SHANK2: variants seen among roughly 807,000 people sequenced by gnomAD.
SHANK2 encodes the protein SH3 and multiple ankyrin repeat domains 2.
In SHANK2, 43 loss-of-function variants were observed where a neutral mutation model predicts 133.7. That is an observed-to-expected ratio of 0.32 (90% CI 0.25 to 0.41). SHANK2 has a LOEUF of 0.41. SHANK2 is among the 10% of genes least tolerant of loss of function. The pLI, the probability that SHANK2 is intolerant of heterozygous loss-of-function variation, is 1.00. For synonymous variants in SHANK2, 1,017 were observed against 952.8 expected, an observed-to-expected ratio of 1.07 and a Z score of -1.24; for missense variants, 1,994 against 2,235.8, an observed-to-expected ratio of 0.89 and a Z score of 2.18.
intron 11 of SHANK2, among the ~76,000 whole-genome samples, chr11:70,838,096 G>T (rs1948850690): frequency 6.6e-6 from 1 of 150,942 alleles, no homozygotes; most frequent in Non-Finnish European, 1.5e-5. Flanking sequence ...CTTGTATGGT[G>T]TTTGCCTCAC....
intron 11 of SHANK2, among the ~76,000 whole-genome samples, chr11:70,876,375 A>G (rs1280522295): frequency 6.6e-6 from 1 of 151,206 alleles, no homozygotes; most frequent in African/African-American, 2.4e-5. Context: ...CCTGGCTAAC[A>G]CGGTGAAACC....
intron 15 of SHANK2, among the ~76,000 whole-genome samples, chr11:70,671,312 T>C (rs1213463802): frequency 6.6e-6 from 1 of 152,034 alleles, no homozygotes; most frequent in African/African-American, 2.4e-5. Context: ...ATGCCGGCCT[T>C]GGAAGCTGAG....
intron 17 of SHANK2, among the ~76,000 whole-genome samples, chr11:70,598,292 A>G (rs1407941730): frequency 6.6e-6 from 1 of 152,182 alleles, no homozygotes; most frequent in Non-Finnish European, 1.5e-5. Context: ...ATAGAGGAAG[A>G]GGCTGGAAAT....
rs1565347836 is a variant in SHANK2 at position 70,830,606 on chromosome 11, C to T, written c.1175-9924G>A. On this transcript the variant is annotated intron_variant, in intron 11 of 25. Transcript: ENST00000601538. The surrounding 1 kb of genome is among the most constrained non-coding windows in gnomAD (Gnocchi z 4.4). ...CTTCCCATCTCTAAAACAAGTATTC[C>T]GAGGATGACCGAGCGCTAGTGGTTG... Among the ~76,000 whole-genome samples the T allele has an allele frequency of 6.6e-6, 1 of 152,206 alleles. No individual in the cohort carries two copies. The highest frequency in any genetic ancestry group is 2.4e-5 in the African/African-American group (1 of 41,434).
At chr11:70,517,832 A>G (rs2059284071) in intron 17 of SHANK2, among the ~76,000 whole-genome samples, 1 of 152,202 alleles carries the variant, frequency 6.6e-6, no homozygotes, top group Non-Finnish European at 1.5e-5. Flanking sequence ...GTACACCAAG[A>G]GTGAACCCTC....
intron 17 of SHANK2, among the ~76,000 whole-genome samples, chr11:70,639,648 C>T (rs1315208246): frequency 6.6e-6 from 1 of 152,150 alleles, no homozygotes; most frequent in African/African-American, 2.4e-5. Context: ...ATCTGATTTT[C>T]CCAGCAACAC....
chr11:70,518,616 C>T (rs930379191), intron 17 of SHANK2, among the ~76,000 whole-genome samples: 4 of 152,208 alleles, frequency 2.6e-5, no homozygotes, highest in Non-Finnish European at 5.9e-5. Flanking sequence ...TTGCATCCTG[C>T]GGCATTGCTT....
chr11:70,770,051 C>T (rs950825409), intron 14 of SHANK2, among the ~76,000 whole-genome samples: 6 of 152,316 alleles, frequency 3.9e-5, no homozygotes, highest in South Asian at 4.1e-4. Flanking sequence ...CAGTGGCCCA[C>T]GGACAGTGTG....
At chr11:70,886,415 C>T (rs1949747699) in intron 11 of SHANK2, among the ~76,000 whole-genome samples, 1 of 152,176 alleles carries the variant, frequency 6.6e-6, no homozygotes, top group Admixed American at 6.5e-5. Context: ...GGGACCCCGA[C>T]CACTCTGATC....
intron 17 of SHANK2, among the ~76,000 whole-genome samples, chr11:70,632,180 G>A (rs1235324591): frequency 6.6e-6 from 1 of 152,166 alleles, no homozygotes; most frequent in Non-Finnish European, 1.5e-5. Flanking sequence ...GGAGTGCAGT[G>A]GCGCGATCTC....
chr11:70,629,834 AC>A (rs1471369822), intron 17 of SHANK2, among the ~76,000 whole-genome samples: 3 of 151,812 alleles, frequency 2.0e-5, no homozygotes, highest in Non-Finnish European at 4.4e-5. Context: ...GGCCATCCAG[AC>A]CCCCAGCAGA....
chr11:70,749,430 A>G (rs1305825616), intron 14 of SHANK2, among the ~76,000 whole-genome samples: 4 of 152,228 alleles, frequency 2.6e-5, no homozygotes, highest in Non-Finnish European at 5.9e-5. Context: ...GTCAGCTCAA[A>G]CAAATCATAA....
At chr11:70,779,508 A>T (rs1403091242) in intron 14 of SHANK2, among the ~76,000 whole-genome samples, 15 of 152,190 alleles carry the variant, frequency 9.9e-5, no homozygotes, top group African/African-American at 3.1e-4. Context: ...GAAGAACCAA[A>T]CATGGGTATG....
At chr11:71,164,784 C>T (rs34327914) in intron 2 of SHANK2, among the ~76,000 whole-genome samples, 1 of 152,156 alleles carries the variant, frequency 6.6e-6, no homozygotes, top group African/African-American at 2.4e-5. Context: ...TTCCATCAAA[C>T]GCCGGCCTCA....
At chr11:70,783,373 A>G (rs1230130523) in intron 14 of SHANK2, among the ~76,000 whole-genome samples, 2 of 152,156 alleles carry the variant, frequency 1.3e-5, no homozygotes, top group African/African-American at 4.8e-5. Flanking sequence ...GGACTCCCAC[A>G]GCAAGCGGAC....
chr11:71,149,809 T>C (rs1952731230), intron 2 of SHANK2, among the ~76,000 whole-genome samples: 1 of 110,492 alleles, frequency 9.1e-6, no homozygotes, highest in Non-Finnish European at 1.8e-5. Context: ...TAACTGTGCA[T>C]AGGTGAGAGG....
chr11:71,096,727 C>T (rs7120950), intron 6 of SHANK2, among the ~76,000 whole-genome samples: 32,489 of 152,120 alleles, frequency 0.21, 4,465 homozygotes, highest in East Asian at 0.49. Context: ...TTAGGATTTT[C>T]TTTCCCATTT....
chr11:71,105,516 C>T (rs181113278), intron 6 of SHANK2, among the ~76,000 whole-genome samples: 4 of 143,492 alleles, frequency 2.8e-5, no homozygotes, highest in Non-Finnish European at 4.5e-5. Flanking sequence ...CACTTGAACT[C>T]GGGAGGCGGA....
At chr11:70,851,603 G>C (rs1949086833) in intron 11 of SHANK2, among the ~76,000 whole-genome samples, 1 of 152,204 alleles carries the variant, frequency 6.6e-6, no homozygotes, top group South Asian at 2.1e-4. Context: ...TAAGTCAGAA[G>C]AACATGCGTC....
Sources: gnomAD v4.1 joint callset for allele counts (sites outside exome capture counted in the v4.1 genomes callset) on GRCh38, gnomAD v4.1.1 for gene constraint, Gnocchi (gnomAD v3.1) non-coding constraint, MANE v1.5 for transcripts, NCBI Gene and HGNC (gene_info 2026-07-23, HGNC 2026-07-21) for gene names.